Variants in TTC29 observed in about 807,000 individuals in gnomAD.
TTC29 encodes the protein tetratricopeptide repeat protein 29.
TTC29 carries 49 observed loss-of-function variants against 58.1 expected under a neutral mutation model. The observed-to-expected ratio is 0.84, with a 90% CI of 0.67 to 1.07. TTC29 has a LOEUF of 1.07. Among genes scored for constraint, TTC29 ranks in the 50% least tolerant of loss-of-function variants. The pLI is 0.00. For synonymous variants in TTC29, 209 were observed against 196.8 expected, an observed-to-expected ratio of 1.06 and a Z score of -0.52; for missense variants, 582 against 555.6, an observed-to-expected ratio of 1.05 and a Z score of -0.48.
intron 11 of TTC29, among the ~76,000 whole-genome samples, chr4:146,746,724 G>A (rs1438672235): frequency 1.3e-5 from 2 of 152,068 alleles, no homozygotes; most frequent in Non-Finnish European, 2.9e-5. Flanking sequence ...CACTTCTCCA[G>A]TTTTTTAGGT....
chr4:146,800,549 T>C (rs1217368386), intron 11 of TTC29, among the ~76,000 whole-genome samples: 2 of 152,230 alleles, frequency 1.3e-5, no homozygotes, highest in Non-Finnish European at 2.9e-5. Context: ...TTTTTGTATT[T>C]TTTCATTTTG....
At chr4:146,746,362 T>TA (rs993857713) in intron 11 of TTC29, among the ~76,000 whole-genome samples, 1 of 152,178 alleles carries the variant, frequency 6.6e-6, no homozygotes, top group African/African-American at 2.4e-5. Context: ...TTAGAAATGT[T>TA]AAAAATATCA....
At chr4:146,943,922 T>C (rs1427272848) in intron 2 of TTC29, among the ~76,000 whole-genome samples, 1 of 152,166 alleles carries the variant, frequency 6.6e-6, no homozygotes, top group Admixed American at 6.5e-5. Context: ...ACTAGTGCTA[T>C]GAGGTGACTG....
At chr4:146,813,450 G>T (rs1036002004) in intron 10 of TTC29, among the ~76,000 whole-genome samples, 6 of 152,060 alleles carry the variant, frequency 3.9e-5, no homozygotes, top group African/African-American at 4.8e-5. Context: ...TAAATAACTA[G>T]GATACAGGAT....
intron 11 of TTC29, 83 bp from the exon 12 acceptor site, chr4:146,707,634 T>C: frequency 1.1e-6 from 1 of 947,682 alleles, no homozygotes; most frequent in Non-Finnish European, 1.6e-6. Flanking sequence ...GAATCCCTTT[T>C]CAGGGATATC....
At chr4:146,923,055 A>G (rs897145627) in intron 4 of TTC29, among the ~76,000 whole-genome samples, 1 of 151,830 alleles carries the variant, frequency 6.6e-6, no homozygotes, top group Admixed American at 6.6e-5. Flanking sequence ...AAAATGTGCT[A>G]GAGCATTGAA....
intron 11 of TTC29, among the ~76,000 whole-genome samples, chr4:146,715,761 C>T (rs986326552): frequency 6.6e-6 from 1 of 151,978 alleles, no homozygotes; most frequent in Non-Finnish European, 1.5e-5. Context: ...GCTAGAAGAC[C>T]GAATTTTGAA....
chr4:146,906,737 G>A (rs1733544902), intron 5 of TTC29, among the ~76,000 whole-genome samples: 1 of 152,168 alleles, frequency 6.6e-6, no homozygotes, highest in African/African-American at 2.4e-5. Context: ...TAATACTTTT[G>A]TAATAATTTT....
At chr4:146,826,205 C>T (rs904115549) in intron 9 of TTC29, among the ~76,000 whole-genome samples, 1 of 152,076 alleles carries the variant, frequency 6.6e-6, no homozygotes, top group African/African-American at 2.4e-5. Context: ...TTCATAGTGT[C>T]ATTGGTCTTT....
chr4:146,909,004 T>TGA, intron 5 of TTC29, 22 bp downstream of exon 5: 1 of 1,604,634 alleles, frequency 6.2e-7, no homozygotes, highest in Non-Finnish European at 8.5e-7. Context: ...TTCTGTGCTC[T>TGA]GCCCACAGTC....
At chr4:146,801,637 A>G (rs1164321062) in intron 11 of TTC29, among the ~76,000 whole-genome samples, 1 of 152,186 alleles carries the variant, frequency 6.6e-6, no homozygotes, top group Admixed American at 6.5e-5. Flanking sequence ...AAACATGGAA[A>G]TAAAACATAA....
intron 6 of TTC29, among the ~76,000 whole-genome samples, chr4:146,876,923 A>T (rs531579376): frequency 6.9e-6 from 1 of 145,414 alleles, no homozygotes; most frequent in South Asian, 2.3e-4. Context: ...CAACAGAGCA[A>T]GACTCCATCT....
intron 11 of TTC29, among the ~76,000 whole-genome samples, chr4:146,790,420 C>T (rs1271541395): frequency 6.6e-6 from 1 of 152,044 alleles, no homozygotes; most frequent in Non-Finnish European, 1.5e-5. Context: ...ATCTCCTGAC[C>T]TTGTGATCTG....
chr4:146,859,997 G>A (rs184365670), intron 8 of TTC29, among the ~76,000 whole-genome samples: 1 of 152,088 alleles, frequency 6.6e-6, no homozygotes, highest in African/African-American at 2.4e-5. Flanking sequence ...GTTGCATAAT[G>A]GTTTCAGCAG....
intron 12 of TTC29, 33 bp from the exon 13 acceptor site, chr4:146,707,221 A>G: frequency 7.3e-7 from 1 of 1,366,590 alleles, no homozygotes. Context: ...TTTAACTTTT[A>G]TACTGGGCTA....
At chr4:146,935,332 T>A (rs928237430) in intron 4 of TTC29, among the ~76,000 whole-genome samples, 1 of 152,140 alleles carries the variant, frequency 6.6e-6, no homozygotes, top group Non-Finnish European at 1.5e-5. Context: ...CCAGTGTACA[T>A]CAATTGTATT....
intron 11 of TTC29, among the ~76,000 whole-genome samples, chr4:146,760,132 A>T (rs933574927): frequency 6.6e-6 from 1 of 152,084 alleles, no homozygotes; most frequent in African/African-American, 2.4e-5. Context: ...TAGCTCTTCT[A>T]TACACCAACA....
At chr4:146,843,346 C>T (rs1277632864) in intron 8 of TTC29, among the ~76,000 whole-genome samples, 1 of 152,190 alleles carries the variant, frequency 6.6e-6, no homozygotes, top group Non-Finnish European at 1.5e-5. Flanking sequence ...ACATCTTTTG[C>T]ATTCCGCTGA....
intron 10 of TTC29, 51 bp from the exon 11 acceptor site, chr4:146,803,736 TCA>T (rs1392762717): frequency 7.1e-7 from 1 of 1,417,424 alleles, no homozygotes; most frequent in African/African-American, 1.4e-5. Context: ...TGTCACCATT[TCA>T]CATATTTTCT....
Sources: gnomAD v4.1 joint callset for allele counts (sites outside exome capture counted in the v4.1 genomes callset) on GRCh38, gnomAD v4.1.1 for gene constraint, MANE v1.5 for transcripts, NCBI Gene and HGNC (gene_info 2026-07-23, HGNC 2026-07-21) for gene names.